Variants in SBF2 observed in about 807,000 individuals in gnomAD.
The protein encoded by SBF2 is myotubularin-related protein 13.
Under a neutral mutation model 225.2 loss-of-function variants are expected in SBF2, and 112 were observed. That is an observed-to-expected ratio of 0.50 (90% CI 0.43 to 0.58). SBF2 has a LOEUF of 0.58. SBF2 is among the 20% of genes least tolerant of loss of function. The pLI, the probability that SBF2 is intolerant of heterozygous loss-of-function variation, is 0.00. For missense variants in SBF2, 1,996 were observed against 2,206.2 expected (o/e 0.90, Z 1.91); for synonymous variants, 763 against 773.3 (o/e 0.99, Z 0.22).
intron 17 of SBF2, among the ~76,000 whole-genome samples, chr11:9,886,541 C>CT (rs5789623): frequency 0.84 from 128,471 of 152,086 alleles, 54,588 homozygotes; most frequent in African/African-American, 0.87. Context: ...GCCTGTAGTT[C>CT]TTTGGTTTTA....
rs142933496 is a variant in SBF2, at chr11:10,024,775, C to T, written c.619+3677G>A. Among the ~76,000 whole-genome samples, 3 of 152,268 alleles carry T rather than the reference C, an allele frequency of 2.0e-5. No homozygotes were observed. In the East Asian group the frequency reaches 5.8e-4, roughly 29 times the overall value. On this transcript the variant is annotated intron_variant, in intron 6 of 39. Coordinates refer to ENST00000256190, the MANE Select transcript of SBF2 (RefSeq NM_030962.4). Reference sequence around the variant, plus strand: ...AGGTAACATAAAATTGCTCTATTTACACATTTCAATGCTGCTATTCTCTGC... The same window carrying T: ...AGGTAACATAAAATTGCTCTATTTATACATTTCAATGCTGCTATTCTCTGC...
Position 9,839,494 on chromosome 11 carries a change from T to C in SBF2, c.3455+4A>G. ...CTCTTTTTGGAGCCCACTGACACAC[T>C]TACCTCCGGCAGAGTGAATACATCC... is the stretch of plus-strand genomic sequence containing the variant. On this transcript the variant is annotated splice_donor_region_variant and intron_variant, in intron 26 of 39. Coordinates refer to ENST00000256190, the MANE Select transcript of SBF2 (RefSeq NM_030962.4). 1 of 1,613,944 alleles carries C rather than the reference T, an allele frequency of 6.2e-7. No individual in the cohort carries two copies. Among genetic ancestry groups the C allele is most frequent in the Non-Finnish European group, 8.5e-7 (1 of 1,179,816 alleles).
At chr11:10,093,162 G>A (rs1223473832) in intron 2 of SBF2, among the ~76,000 whole-genome samples, 1 of 151,692 alleles carries the variant, frequency 6.6e-6, no homozygotes, top group African/African-American at 2.4e-5. Context: ...GACTGCAGGT[G>A]CATCCCACCA....
intron 19 of SBF2, 90 bp from the exon 20 acceptor site, chr11:9,853,802 A>C: frequency 1.6e-6 from 2 of 1,228,910 alleles, no homozygotes; most frequent in Non-Finnish European, 2.4e-6. Flanking sequence ...CGACAGAAAC[A>C]TGAGCAAAGT....
chr11:9,935,110 T>A (rs1044272365), intron 16 of SBF2, among the ~76,000 whole-genome samples: 1 of 152,162 alleles, frequency 6.6e-6, no homozygotes, highest in African/African-American at 2.4e-5. Context: ...CAGCAGTGTC[T>A]CAGGATACAA....
chr11:10,157,409 T>C (rs962981156), intron 2 of SBF2, among the ~76,000 whole-genome samples: 5 of 152,140 alleles, frequency 3.3e-5, no homozygotes, highest in Admixed American at 2.0e-4. Context: ...AAAGCAAAAA[T>C]TGACAAATGG....
intron 16 of SBF2, among the ~76,000 whole-genome samples, chr11:9,925,759 T>C (rs947388527): frequency 3.7e-4 from 57 of 152,238 alleles, no homozygotes; most frequent in African/African-American, 1.0e-3. Flanking sequence ...ATAGGTCTTA[T>C]AGTCCTAAAG....
chr11:9,974,004 A>G (rs916192163), intron 13 of SBF2, among the ~76,000 whole-genome samples: 1 of 152,158 alleles, frequency 6.6e-6, no homozygotes, highest in Non-Finnish European at 1.5e-5. Flanking sequence ...TTTTTCTAAT[A>G]CAGTTGATGG....
chr11:10,260,440 G>A (rs1023068645), intron 1 of SBF2, among the ~76,000 whole-genome samples: 1 of 151,890 alleles, frequency 6.6e-6, no homozygotes, highest in African/African-American at 2.4e-5. Context: ...TTACAGGTCG[G>A]GCACGGTGGC....
In SBF2 at chr11:9,927,185, C is replaced by G. The variant is rs60091309; in HGVS notation, c.1861-31174G>C. Among the ~76,000 whole-genome samples, 1,506 of 152,158 alleles carry G rather than the reference C, an allele frequency of 9.9e-3. 25 individuals carry two copies. The highest frequency in any genetic ancestry group is 0.034 in the African/African-American group (1,406 of 41,526). ...TTTTAAGATACCAATTGCTAAATAC[C>G]TCTTACAAAATAAATAACCCAAATA... On this transcript the variant is annotated intron_variant, in intron 16 of 39. Transcript: ENST00000256190.
chr11:10,192,992 T>A lies in SBF2; in HGVS notation c.141+910A>T, dbSNP rs146605035. On this transcript the variant is annotated intron_variant, in intron 2 of 39. Coordinates refer to ENST00000256190, the MANE Select transcript of SBF2 (RefSeq NM_030962.4). ...TGGATCCACCACCAGATAGAATATC[T>A]TGGGTAGCATAAATTATGTTCAACC... Among the ~76,000 whole-genome samples the A allele has an allele frequency of 4.2e-4, 64 of 152,290 alleles. 1 individual carries two copies. Among genetic ancestry groups the A allele is most frequent in the African/African-American group, 1.5e-3 (64 of 41,562 alleles).
Position 9,963,816 on chromosome 11 carries a change from C to A in SBF2, c.1667G>T (p.Cys556Phe), listed in dbSNP as rs758873920. The A allele has an allele frequency of 6.2e-7, 1 of 1,609,116 alleles. No individual in the cohort carries two copies. The highest frequency in any genetic ancestry group is 1.1e-5 in the South Asian group (1 of 90,702). ...SAQRLEVVRN[C>F]ISFIFENKIL... is the part of the protein sequence containing the mutation. ...TTTATTTTCAAATATGAATGAGATA[C>A]AGTTTCTGACAACTTCTAGTCTTTG... Residue 556 changes from cysteine (C) to phenylalanine (F), a missense_variant, in exon 15 of 40, where the codon TGT becomes TTT. By Grantham distance (205) the Cys-to-Phe change is radical. Transcript: ENST00000256190.
intron 15 of SBF2, among the ~76,000 whole-genome samples, chr11:9,962,994 A>G (rs1415830619): frequency 6.6e-6 from 1 of 152,196 alleles, no homozygotes; most frequent in Non-Finnish European, 1.5e-5. Context: ...CTGAAAATAG[A>G]TATTCAGAAC....
chr11:9,917,646 T>A (rs1863214125), intron 16 of SBF2, among the ~76,000 whole-genome samples: 1 of 151,590 alleles, frequency 6.6e-6, no homozygotes, highest in Non-Finnish European at 1.5e-5. Context: ...GTTTTTATTA[T>A]TCTATCTTCC....
chr11:9,801,994 G>A (rs1485190770), intron 32 of SBF2, among the ~76,000 whole-genome samples: 3 of 152,158 alleles, frequency 2.0e-5, no homozygotes, highest in Non-Finnish European at 4.4e-5. Flanking sequence ...CATAAAGCCA[G>A]ACCAAAGTGA....
intron 17 of SBF2, among the ~76,000 whole-genome samples, chr11:9,885,266 A>C (rs533554087): frequency 1.5e-4 from 22 of 150,182 alleles, no homozygotes; most frequent in South Asian, 4.2e-4. Flanking sequence ...AAAAAAAAAA[A>C]AAAAAAAAAA....
chr11:9,821,557 T>C (rs1057223659), intron 28 of SBF2, among the ~76,000 whole-genome samples: 1 of 152,322 alleles, frequency 6.6e-6, no homozygotes, highest in South Asian at 2.1e-4. Context: ...GAGGTCTACT[T>C]AGATTTCCTG....
intron 2 of SBF2, among the ~76,000 whole-genome samples, chr11:10,143,613 A>T (rs929984995): frequency 1.3e-5 from 2 of 152,240 alleles, no homozygotes; most frequent in Non-Finnish European, 2.9e-5. Context: ...TGGTAGATCA[A>T]TATCAGTAAG....
intron 2 of SBF2, among the ~76,000 whole-genome samples, chr11:10,154,743 T>C (rs1257229523): frequency 6.6e-6 from 1 of 152,190 alleles, no homozygotes; most frequent in East Asian, 1.9e-4. Flanking sequence ...TGGTGCTACC[T>C]TCATCCAAAT....
Sources: allele counts gnomAD v4.1 joint callset (sites outside exome capture counted in the v4.1 genomes callset), GRCh38; gene constraint gnomAD v4.1.1; transcripts MANE v1.5; gene names NCBI Gene and HGNC (gene_info 2026-07-23, HGNC 2026-07-21).